KRT85: variants seen among roughly 807,000 people sequenced by gnomAD.
KRT85 encodes the protein keratin, type II cuticular Hb5.
Under a neutral mutation model 53.7 loss-of-function variants are expected in KRT85, and 39 were observed. That is an observed-to-expected ratio of 0.73 (90% CI 0.56 to 0.95). The LOEUF (loss-of-function observed/expected upper bound fraction) is 0.95. Among genes scored for constraint, KRT85 ranks in the 40% least tolerant of loss-of-function variants. The pLI, the probability that KRT85 is intolerant of heterozygous loss-of-function variation, is 0.00. For missense variants in KRT85, 668 were observed against 686.0 expected, an observed-to-expected ratio of 0.97 and a Z score of 0.29; for synonymous variants, 291 against 277.5, an observed-to-expected ratio of 1.05 and a Z score of -0.48.
chr12:52,361,558 G>A, intron 7 of KRT85, 60 bp from the exon 8 acceptor site: 1 of 1,489,584 alleles, frequency 6.7e-7, no homozygotes, highest in Non-Finnish European at 9.4e-7. Flanking sequence ...TGAGACTGAT[G>A]GTTGCTTGGG....
At chr12:52,361,137 C>A in intron 8 of KRT85, 91 bp from the exon 9 acceptor site, 1 of 1,142,542 alleles carries the variant, frequency 8.8e-7, no homozygotes, top group Non-Finnish European at 1.3e-6. Context: ...GAGCTGCCTC[C>A]CTCTCCAAGG....
chr12:52,362,439 T>C lies in KRT85; in HGVS notation c.1110A>G (p.Ala370=). Residue 370 remains alanine (A), a synonymous_variant, in exon 7 of 9, where the codon GCA becomes GCG. Coordinates refer to ENST00000257901, the MANE Select transcript of KRT85 (RefSeq NM_002283.4). ...TGAGGGCCGCCTCACCCTGCTGCTC[T>C]GCCTCAGCCACAGCAGCCTCCAGCT... The part of the protein sequence containing the change: ...RAKLEAAVAE[A]EQQGEAALSD... The C allele has an allele frequency of 1.2e-6, 2 of 1,614,158 alleles. No individual in the cohort carries two copies. The highest frequency in any genetic ancestry group is 1.7e-6 in the Non-Finnish European group (2 of 1,180,036).
Position 52,360,954 on chromosome 12 carries a change from C to G in KRT85, c.1423G>C (p.Gly475Arg). The G allele has an allele frequency of 1.2e-6, 2 of 1,613,414 alleles. No individual in the cohort carries two copies. The highest frequency in any genetic ancestry group is 1.7e-6 in the Non-Finnish European group (2 of 1,179,980). Residue 475 changes from glycine to arginine, a missense_variant, in exon 9 of 9, where the codon GGC (glycine) becomes CGC (arginine). This residue lies in a region of KRT85 where 488 missense variants were observed against 498.1 expected (regional missense o/e 0.98). Transcript: ENST00000257901. The part of the protein sequence containing the change: ...RQITSGPSAI[G>R]GSITVVAPDS... Reference sequence around the variant, plus strand: ...GGGGCCACCACCGTGATGCTGCCGCCTATGGCTGAGGGGCCAGAAGTGATC... The same window carrying G: ...GGGGCCACCACCGTGATGCTGCCGCGTATGGCTGAGGGGCCAGAAGTGATC...
rs1282711991 is a variant in KRT85 at position 52,367,450 on chromosome 12, G to A, written c.-45C>T. ...TCTGAGAGGCAGCGGAAGGTGGTGC[G>A]GGCGGCAGAGTGCGAGGCTCAGGAT... On this transcript the variant is annotated 5_prime_UTR_variant, in exon 1 of 9. Transcript: ENST00000257901. 5.0e-6 allele frequency: 8 copies of A among 1,599,388 alleles called. No homozygotes were observed. The highest frequency in any genetic ancestry group is 1.3e-5 in the African/African-American group (1 of 74,618).
intron 4 of KRT85, 78 bp downstream of exon 4, chr12:52,363,990 T>G (rs536270745): frequency 1.0e-5 from 11 of 1,086,774 alleles, no homozygotes; most frequent in Non-Finnish European, 1.6e-5. Context: ...GGCACACACA[T>G]GCACCCTTGC....
chr12:52,361,944 G>C (rs1459319084), intron 7 of KRT85, among the ~76,000 whole-genome samples: 1 of 152,168 alleles, frequency 6.6e-6, no homozygotes, highest in Non-Finnish European at 1.5e-5. Flanking sequence ...AGACTTGGGT[G>C]CAGGTCCCAG....
Position 52,364,143 on chromosome 12 carries a change from C to G in KRT85, c.711G>C (p.Leu237=). The G allele has an allele frequency of 6.2e-7, 1 of 1,614,140 alleles. No individual in the cohort carries two copies. The highest frequency in any genetic ancestry group is 8.5e-7 in the Non-Finnish European group (1 of 1,180,024). The change falls in exon 4 of 9, where the codon CTG becomes CTC. Residue 237 remains leucine (L), a synonymous_variant. Transcript: ENST00000257901. ...VLKKDVDCAY[L]RKSDLEANVE... ...CATTGGCCTCCAGGTCTGATTTCCG[C>G]AGGTAGGCACAGTCCACGTCCTGGC...
chr12:52,365,291 G>T, intron 1 of KRT85, 121 bp from the exon 2 acceptor site: 1 of 1,061,656 alleles, frequency 9.4e-7, no homozygotes, highest in Non-Finnish European at 1.4e-6. Flanking sequence ...GAGTGTCTGC[G>T]GCTCAAGGGG....
rs779471419 is a variant in KRT85 at position 52,363,272 on chromosome 12, C to A, written c.925G>T (p.Glu309Ter). The A allele has an allele frequency of 1.2e-6, 2 of 1,614,188 alleles. No homozygotes were observed. The change falls in exon 5 of 9, where the codon GAG (glutamate) becomes TAG (stop). Residue 309 changes from glutamate (E) to a stop codon, truncating the protein, a stop_gained. Coordinates refer to ENST00000257901, the MANE Select transcript of KRT85 (RefSeq NM_002283.4). LOFTEE classifies it high-confidence loss of function. ...TTGCTACGGTACCAGGACTCAGCCT[C>A]GGCCCGGCTGCGGCTGGCAACATCG... ...YDDVASRSRA[E>*]AESWYRSKCE... is the part of the protein sequence containing the mutation.
At chr12:52,363,642 C>G (rs1939228324) in intron 4 of KRT85, among the ~76,000 whole-genome samples, 1 of 152,188 alleles carries the variant, frequency 6.6e-6, no homozygotes, top group South Asian at 2.1e-4. Context: ...AACTGAGGCC[C>G]AGAGGGTGAA....
rs775345174 is a variant in KRT85, at chr12:52,367,003, C to T, written c.403G>A (p.Ala135Thr). Residue 135 changes from alanine to threonine, a missense_variant, in exon 1 of 9, where the codon GCG becomes ACG. Physicochemically the swap from Ala to Thr is moderately conservative, Grantham distance 58. Transcript: ENST00000257901. ...TCACCCACCTTGTCGATGAAGGCCG[C>T]GAACCTGCTGTTGAGGGACTTGATC... ...EQIKSLNSRF[A>T]AFIDKVRFLE... 5 of 1,613,882 alleles carry T rather than the reference C, an allele frequency of 3.1e-6. No homozygotes were observed. The highest frequency in any genetic ancestry group is 2.7e-5 in the African/African-American group (2 of 74,934).
At chr12:52,361,707 A>G (rs548812400) in intron 7 of KRT85, among the ~76,000 whole-genome samples, 1 of 152,348 alleles carries the variant, frequency 6.6e-6, no homozygotes, top group Admixed American at 6.5e-5. Context: ...AGCAGTGGGT[A>G]AGATTATGAA....
At chr12:52,365,782 C>G (rs548514632) in intron 1 of KRT85, among the ~76,000 whole-genome samples, 1 of 152,248 alleles carries the variant, frequency 6.6e-6, no homozygotes, top group South Asian at 2.1e-4. Context: ...TTGAGACCCC[C>G]AAGGTGTGAA....
chr12:52,362,690 C>A (rs1939210834), intron 6 of KRT85, among the ~76,000 whole-genome samples, 164 bp downstream of exon 6: 1 of 152,122 alleles, frequency 6.6e-6, no homozygotes, highest in African/African-American at 2.4e-5. Context: ...GGGGCTGGAT[C>A]CTCCTTTGGA....
intron 5 of KRT85, 65 bp from the exon 6 acceptor site, chr12:52,363,044 G>C (rs1939217571): frequency 1.9e-6 from 3 of 1,612,550 alleles, no homozygotes; most frequent in Non-Finnish European, 1.7e-6. Flanking sequence ...GGACACCACA[G>C]ATGACTATAC....
chr12:52,364,705 G>T, intron 2 of KRT85: 2 of 1,423,480 alleles, frequency 1.4e-6, no homozygotes, highest in Non-Finnish European at 1.8e-6. Context: ...TGAAGGACAG[G>T]GACATAGAGA....
intron 2 of KRT85, 191 bp downstream of exon 2, chr12:52,364,771 C>T: frequency 2.2e-6 from 3 of 1,376,000 alleles, no homozygotes; most frequent in Admixed American, 4.1e-5. Context: ...AGCTCTAAGG[C>T]TCACAGGGGT....
chr12:52,366,637 ACACT>A (rs1156951950), intron 1 of KRT85, among the ~76,000 whole-genome samples: 2 of 151,890 alleles, frequency 1.3e-5, no homozygotes, highest in African/African-American at 4.8e-5. Context: ...ACACATGTAC[ACACT>A]CACATGCATA....
At position 52,367,389 on chromosome 12, in the gene KRT85, T is replaced by C; in HGVS notation, c.17A>G (p.Tyr6Cys). Residue 6 changes from tyrosine to cysteine, a missense_variant, in exon 1 of 9, where the codon TAC (tyrosine) becomes TGC (cysteine). Tyr to Cys is a radical substitution (Grantham distance 194). This residue lies in a region of KRT85 where 158 missense variants were observed against 141.8 expected (regional missense o/e 1.11). Transcript: ENST00000257901. MSCRS[Y>C]RISSGCGVTR... is the part of the protein sequence containing the mutation. ...GACCCCGCATCCTGAGCTGATCCTG[T>C]AGGAGCGGCACGACATCGTGTGAGG... 6.2e-7 allele frequency: 1 copy of C among 1,614,022 alleles called. No individual in the cohort carries two copies. The highest frequency in any genetic ancestry group is 1.3e-5 in the African/African-American group (1 of 75,028).
Sources: allele counts gnomAD v4.1 joint callset (sites outside exome capture counted in the v4.1 genomes callset), GRCh38; gene constraint gnomAD v4.1.1; regional missense constraint gnomAD v4.1.1; transcripts MANE v1.5; gene names NCBI Gene and HGNC (gene_info 2026-07-23, HGNC 2026-07-21).